PGBD5: variants seen among roughly 807,000 people sequenced by gnomAD.
The protein encoded by PGBD5 is piggyBac transposable element derived 5, also known as piggyBac transposable element-derived protein 5.
Under a neutral mutation model 47.9 loss-of-function variants are expected in PGBD5, and 14 were observed. That is an observed-to-expected ratio of 0.29 (90% CI 0.19 to 0.46). The LOEUF is 0.46. Among genes scored for constraint, PGBD5 ranks in the 20% least tolerant of loss-of-function variants. PGBD5 has a pLI of 1.00. For missense variants in PGBD5, 635 were observed against 716.0 expected (o/e 0.89, Z 1.29); for synonymous variants, 316 against 306.3 (o/e 1.03, Z -0.33).
intron 1 of PGBD5, among the ~76,000 whole-genome samples, chr1:230,368,831 GGTGT>G (rs1667884203): frequency 6.6e-6 from 1 of 152,216 alleles, no homozygotes; most frequent in Non-Finnish European, 1.5e-5. Flanking sequence ...GCAGAGGTAG[GGTGT>G]GCGCTGGGCC....
chr1:230,368,730 T>C (rs1667881884), intron 1 of PGBD5, among the ~76,000 whole-genome samples: 1 of 152,044 alleles, frequency 6.6e-6, no homozygotes, highest in Non-Finnish European at 1.5e-5. Context: ...AGGTCTAGGG[T>C]GAGGAAACCC....
rs141905332 is a variant in PGBD5 at position 230,376,069 on chromosome 1, C to T, written c.332-18748G>A. ...TATTTTCATGGTCATCCCACAGCCTCTTTGTTTGACAGGGAGCAACAGAGA... is the reference window on the plus strand; with the variant it reads ...TATTTTCATGGTCATCCCACAGCCTTTTTGTTTGACAGGGAGCAACAGAGA... On this transcript the variant is annotated intron_variant, in intron 1 of 6. Coordinates refer to ENST00000391860, the MANE Select transcript of PGBD5 (RefSeq NM_001258311.2). Among the ~76,000 whole-genome samples, 277 of 151,432 alleles carry T rather than the reference C, an allele frequency of 1.8e-3. 1 individual carries two copies. The highest frequency in any genetic ancestry group is 6.4e-3 in the African/African-American group (266 of 41,280).
intron 1 of PGBD5, among the ~76,000 whole-genome samples, chr1:230,380,872 C>T (rs931491688): frequency 1.3e-5 from 2 of 152,152 alleles, no homozygotes; most frequent in African/African-American, 4.8e-5. Flanking sequence ...CTGAAGTGGC[C>T]CAAGAGATGG....
intron 5 of PGBD5, among the ~76,000 whole-genome samples, chr1:230,329,375 A>T (rs1182073821): frequency 6.6e-6 from 1 of 152,228 alleles, no homozygotes. Flanking sequence ...TAAAATGTTC[A>T]TACCTAGTTA....
intron 1 of PGBD5, among the ~76,000 whole-genome samples, chr1:230,395,043 C>T (rs563515168): frequency 5.2e-4 from 62 of 120,088 alleles, no homozygotes; most frequent in Non-Finnish European, 9.4e-4. Context: ...CCCTCCTCCC[C>T]GTCCCAGAGC....
chr1:230,412,275 A>C (rs543798261), intron 1 of PGBD5, among the ~76,000 whole-genome samples: 29 of 152,208 alleles, frequency 1.9e-4, no homozygotes, highest in Non-Finnish European at 3.5e-4. Flanking sequence ...ATAATTTTCA[A>C]CTTCCCCAAA....
chr1:230,376,948 G>A (rs1451529459), intron 1 of PGBD5, among the ~76,000 whole-genome samples: 1 of 152,144 alleles, frequency 6.6e-6, no homozygotes, highest in Non-Finnish European at 1.5e-5. Flanking sequence ...CTTAACACAG[G>A]GCCAGGCACT....
At position 230,365,140 on chromosome 1, in the gene PGBD5, C is replaced by A. The variant is rs3001028; in HGVS notation, c.332-7819G>T. On this transcript the variant is annotated intron_variant, in intron 1 of 6. Transcript: ENST00000391860. ...CATCCTGGCTAACACGGTGAAACCC[C>A]ATCTCTACTAAAAATACAAAAAATT... 7.5e-4 allele frequency among the ~76,000 whole-genome samples: 113 copies of A among 150,938 alleles called. No homozygotes were observed. In the Middle Eastern group the frequency reaches 0.021, roughly 28 times the overall value.
chr1:230,350,203 C>A (rs1029993608), intron 3 of PGBD5, among the ~76,000 whole-genome samples: 3 of 152,228 alleles, frequency 2.0e-5, no homozygotes, highest in Non-Finnish European at 4.4e-5. Context: ...GGTGTCGCTG[C>A]GCAGCACGCA....
At position 230,319,209 on chromosome 1, in the gene PGBD5, C is replaced by T. The variant is rs567611467; in HGVS notation, c.*4216G>A. The stretch of plus-strand genomic sequence containing the variant: ...GTGGTGACAGTCCATGCCTAACCCA[C>T]AGGGATCCCTGTGAGGAGTAAGGCT... On this transcript the variant is annotated 3_prime_UTR_variant, in exon 7 of 7. Transcript: ENST00000391860. 5.9e-5 allele frequency: 9 copies of T among 152,362 alleles called. No individual in the cohort carries two copies. The highest frequency in any genetic ancestry group is 2.2e-4 in the African/African-American group (9 of 41,576). 9.4% of individuals were successfully genotyped at this position (152,362 alleles called of 1,614,324 possible).
chr1:230,340,886 T>C (rs1256265388), intron 3 of PGBD5, among the ~76,000 whole-genome samples: 1 of 152,040 alleles, frequency 6.6e-6, no homozygotes, highest in Non-Finnish European at 1.5e-5. Context: ...TGTCCACACA[T>C]GCACCTCTGA....
chr1:230,325,342 G>A lies in PGBD5; in HGVS notation c.1347C>T (p.Ser449=), dbSNP rs753098429. 3 of 1,613,786 alleles carry A rather than the reference G, an allele frequency of 1.9e-6. No individual in the cohort carries two copies. Among genetic ancestry groups the A allele is most frequent in the Non-Finnish European group, 2.5e-6 (3 of 1,179,826 alleles). The change falls in exon 6 of 7, where the codon AGC becomes AGT. Residue 449 remains serine, a synonymous_variant. Coordinates refer to ENST00000391860, the MANE Select transcript of PGBD5 (RefSeq NM_001258311.2). The part of the protein sequence containing the change: ...LAVEAFAAHL[S]YICRYDDKYS... The stretch of plus-strand genomic sequence containing the variant: ...ATTTGTCATCGTATCTGCAGATGTA[G>A]CTCAGGTGAGCGGCAAACGCCTCCA...
chr1:230,326,188 C>T (rs1016269164), intron 5 of PGBD5, among the ~76,000 whole-genome samples: 30 of 152,288 alleles, frequency 2.0e-4, no homozygotes, highest in African/African-American at 6.7e-4. Flanking sequence ...GAGGCCAAGG[C>T]GGGGGGATCA....
chr1:230,404,191 C>T (rs992778913), intron 1 of PGBD5, among the ~76,000 whole-genome samples: 4 of 152,018 alleles, frequency 2.6e-5, no homozygotes, highest in African/African-American at 9.7e-5. Flanking sequence ...AGTGAAGACC[C>T]CAAGCTCTAG....
chr1:230,423,306 C>T (rs1432926773), intron 1 of PGBD5, among the ~76,000 whole-genome samples: 1 of 152,166 alleles, frequency 6.6e-6, no homozygotes. Context: ...CTCCCTACCC[C>T]ACTCTACCCA....
At chr1:230,392,440 C>G (rs1009755429) in intron 1 of PGBD5, among the ~76,000 whole-genome samples, 7 of 152,200 alleles carry the variant, frequency 4.6e-5, no homozygotes, top group African/African-American at 1.7e-4. Flanking sequence ...TGACAGGAAG[C>G]CTTCAGATGT....
rs145071013 is a variant in PGBD5, at chr1:230,326,340, A to C, written c.1274-925T>G. ...GCCTGAGGCAGGAGAATCACTTGAAACTGGGAGGCCGAGGTTGCGGTTTGC... is the reference window on the plus strand; with the variant it reads ...GCCTGAGGCAGGAGAATCACTTGAACCTGGGAGGCCGAGGTTGCGGTTTGC... On this transcript the variant is annotated intron_variant, in intron 5 of 6. Transcript: ENST00000391860. 3.9e-3 allele frequency among the ~76,000 whole-genome samples: 597 copies of C among 152,278 alleles called. 8 individuals carry two copies. The East Asian group carries it at 0.052, about 13-fold the overall frequency.
chr1:230,379,450 A>G (rs1280439840), intron 1 of PGBD5, among the ~76,000 whole-genome samples: 1 of 152,200 alleles, frequency 6.6e-6, no homozygotes, highest in Non-Finnish European at 1.5e-5. Context: ...TTCCATCATT[A>G]TTAGAATTAA....
chr1:230,338,903 G>T (rs1056335348), intron 3 of PGBD5, among the ~76,000 whole-genome samples: 1 of 152,200 alleles, frequency 6.6e-6, no homozygotes, highest in Non-Finnish European at 1.5e-5. Context: ...GAAGAGCCCG[G>T]TTCCTTTTCT....
Sources: allele counts gnomAD v4.1 joint callset (sites outside exome capture counted in the v4.1 genomes callset), GRCh38; gene constraint gnomAD v4.1.1; transcripts MANE v1.5; gene names NCBI Gene and HGNC (gene_info 2026-07-23, HGNC 2026-07-21).